The following ASIC2 variants were observed in gnomAD, a reference collection of about 807,000 sequenced individuals.
ASIC2 encodes the protein acid-sensing ion channel 2.
ASIC2 carries 25 observed loss-of-function variants against 57.3 expected under a neutral mutation model. That is an observed-to-expected ratio of 0.44 (90% confidence interval 0.32 to 0.61). The LOEUF (loss-of-function observed/expected upper bound fraction) is 0.61, where lower values mean the gene tolerates loss of function less well. ASIC2 is among the 20% of genes least tolerant of loss of function. The pLI, the probability that ASIC2 is intolerant of heterozygous loss-of-function variation, is 0.06. For missense variants in ASIC2, 641 were observed against 738.1 expected (o/e 0.87, Z 1.52); for synonymous variants, 319 against 307.5 (o/e 1.04, Z -0.39).
intron 1 of ASIC2, among the ~76,000 whole-genome samples, chr17:33,437,101 G>A (rs1038228694): frequency 6.6e-5 from 10 of 151,314 alleles, no homozygotes; most frequent in East Asian, 3.9e-4. Context: ...TCCTGACCTC[G>A]TGATCTGCCC....
intron 1 of ASIC2, among the ~76,000 whole-genome samples, chr17:33,945,582 G>A (rs972030135): frequency 2.6e-5 from 4 of 152,108 alleles, no homozygotes; most frequent in Non-Finnish European, 5.9e-5. Flanking sequence ...GCAGTTCAGA[G>A]CTAAGATCAA....
intron 1 of ASIC2, among the ~76,000 whole-genome samples, chr17:33,578,504 C>A (rs148466761): frequency 6.6e-6 from 1 of 152,050 alleles, no homozygotes; most frequent in African/African-American, 2.4e-5. Context: ...ACAATTGGGA[C>A]GGATAGAAGA....
At chr17:33,374,846 G>A (rs1909219598) in intron 1 of ASIC2, among the ~76,000 whole-genome samples, 2 of 152,200 alleles carry the variant, frequency 1.3e-5, no homozygotes, top group African/African-American at 4.8e-5. Flanking sequence ...CTATATGCTT[G>A]ACAAAGCACT....
In ASIC2 at chr17:33,095,505, A is replaced by T. The variant is rs554501180; in HGVS notation, c.860-6515T>A. Reference sequence around the variant, plus strand: ...TTGGTGAAGTGAACAAATGTGCACAACTCACCTCTGAGACAGAGGATCCCA... The same window carrying T: ...TTGGTGAAGTGAACAAATGTGCACATCTCACCTCTGAGACAGAGGATCCCA... On this transcript the variant is annotated intron_variant, in intron 2 of 9. Coordinates refer to ENST00000225823, the MANE Select transcript of ASIC2 (RefSeq NM_183377.2). Among the ~76,000 whole-genome samples the T allele has an allele frequency of 3.3e-5, 5 of 152,292 alleles. No homozygotes were observed. The South Asian group carries it at 1.0e-3, about 32-fold the overall frequency.
intron 1 of ASIC2, among the ~76,000 whole-genome samples, chr17:33,533,943 T>C (rs1199659032): frequency 6.6e-6 from 1 of 152,016 alleles, no homozygotes; most frequent in Non-Finnish European, 1.5e-5. Context: ...AAACCAGCTG[T>C]TCCCCAAAAA....
At chr17:33,023,166 G>T (rs187154354) in intron 6 of ASIC2, among the ~76,000 whole-genome samples, 134 of 152,218 alleles carry the variant, frequency 8.8e-4, no homozygotes, top group Non-Finnish European at 1.6e-3. Flanking sequence ...AACGTGCAAG[G>T]TCTGCCTGGA....
intron 1 of ASIC2, among the ~76,000 whole-genome samples, chr17:33,269,751 T>TTTTCCTTCCTTCCTTCC (rs1555590387): frequency 9.7e-6 from 1 of 102,966 alleles, no homozygotes; most frequent in Non-Finnish European, 2.0e-5. Context: ...TCCTTCCTTC[T>TTTTCCTTCCTTCCTTCC]TTCCTTCCTT....
intron 1 of ASIC2, among the ~76,000 whole-genome samples, chr17:33,341,169 C>T (rs9898831): frequency 2.0e-5 from 3 of 151,988 alleles, no homozygotes; most frequent in South Asian, 2.1e-4. Flanking sequence ...AACCGAGGAG[C>T]GCTTGTGAAA....
At chr17:33,223,718 G>T (rs960894969) in intron 1 of ASIC2, among the ~76,000 whole-genome samples, 3 of 152,184 alleles carry the variant, frequency 2.0e-5, no homozygotes, top group African/African-American at 7.2e-5. Context: ...AAGTGTTAAG[G>T]TCACCACCAT....
In ASIC2 at chr17:33,089,109, C is replaced by A. The variant is rs554398146; in HGVS notation, c.860-119G>T. ...CCCTGTGATAAGCAGAATAATGGCC[C>A]CCAAAGGTGTCCACATCCCCACCTC... On this transcript the variant is annotated intron_variant, in intron 2 of 9. Transcript: ENST00000225823. The A allele has an allele frequency of 1.4e-4, 190 of 1,358,462 alleles. 2 individuals carry two copies. The South Asian group carries it at 2.4e-3, about 17-fold the overall frequency. The allele number at this position is 1,358,462 out of a possible 1,614,324, so 84.2% of individuals were successfully genotyped here.
chr17:33,738,348 A>G (rs959851916), intron 1 of ASIC2, among the ~76,000 whole-genome samples: 2 of 152,126 alleles, frequency 1.3e-5, no homozygotes, highest in African/African-American at 4.8e-5. Context: ...CTTCCCCCAG[A>G]CCTTCAGGAT....
chr17:33,519,776 C>T (rs544214794), intron 1 of ASIC2, among the ~76,000 whole-genome samples: 4 of 152,220 alleles, frequency 2.6e-5, no homozygotes, highest in East Asian at 1.9e-4. Flanking sequence ...ACTGCTAGAC[C>T]GTCTGTCAAA....
chr17:33,260,861 C>G (rs527394589), intron 1 of ASIC2, among the ~76,000 whole-genome samples: 1 of 152,108 alleles, frequency 6.6e-6, no homozygotes, highest in African/African-American at 2.4e-5. Context: ...GAGCTTGGGC[C>G]GACCAAACGC....
At chr17:34,099,778 GAAAGAAAGAAAGAAAGAAAGAAAGAA>G (rs1910784158) in intron 1 of ASIC2, among the ~76,000 whole-genome samples, 1 of 39,982 alleles carries the variant, frequency 2.5e-5, no homozygotes, top group Admixed American at 2.2e-4. Context: ...AAGAAAGAAA[GAAAGAAAGAAAGAAAGAAAGAAAGAA>G]AAGAGAATCT....
intron 1 of ASIC2, among the ~76,000 whole-genome samples, chr17:34,082,615 C>T (rs1281704020): frequency 1.3e-5 from 2 of 152,204 alleles, no homozygotes; most frequent in Non-Finnish European, 2.9e-5. Context: ...AATCACCTGT[C>T]CCCGCCCCCT....
chr17:33,836,048 G>A (rs1727055753), intron 1 of ASIC2, among the ~76,000 whole-genome samples: 2 of 140,416 alleles, frequency 1.4e-5, no homozygotes, highest in Admixed American at 1.5e-4. Flanking sequence ...GAATAATTAT[G>A]TATATCATAT....
At chr17:33,255,291 C>T (rs912678155) in intron 1 of ASIC2, among the ~76,000 whole-genome samples, 7 of 151,934 alleles carry the variant, frequency 4.6e-5, no homozygotes, top group Non-Finnish European at 1.0e-4. Flanking sequence ...CCACTCACCT[C>T]GGCCTCCCAA....
At chr17:34,058,214 T>C (rs894998410) in intron 1 of ASIC2, among the ~76,000 whole-genome samples, 29 of 152,208 alleles carry the variant, frequency 1.9e-4, no homozygotes, top group African/African-American at 7.0e-4. Flanking sequence ...GGCTAGACAG[T>C]GAGCTTGCTG....
At chr17:33,176,906 CA>C (rs1294716527) in intron 1 of ASIC2, among the ~76,000 whole-genome samples, 3 of 152,102 alleles carry the variant, frequency 2.0e-5, no homozygotes, top group Non-Finnish European at 4.4e-5. Flanking sequence ...CCAGAAGGTA[CA>C]GGGGCAGGGA....
Sources: gnomAD v4.1 joint callset for allele counts (sites outside exome capture counted in the v4.1 genomes callset) on GRCh38, gnomAD v4.1.1 for gene constraint, MANE v1.5 for transcripts, NCBI Gene and HGNC (gene_info 2026-07-23, HGNC 2026-07-21) for gene names.